SH3D19: variants seen among roughly 807,000 people sequenced by gnomAD.
SH3D19 encodes the protein SH3 domain containing 19.
Under a neutral mutation model 112.1 loss-of-function variants are expected in SH3D19, and 58 were observed. That is an observed-to-expected ratio of 0.52 (90% CI 0.42 to 0.64). The LOEUF (loss-of-function observed/expected upper bound fraction) is 0.64, where lower values mean the gene tolerates loss of function less well. Ranked by LOEUF, SH3D19 falls within the 30% of genes least tolerant of loss-of-function variation. The probability of loss-of-function intolerance (pLI) is 0.00; values close to 1 mark genes in which losing one functional copy is unlikely to be tolerated. For synonymous variants in SH3D19, 391 were observed against 448.5 expected (o/e 0.87, Z 1.62); for missense variants, 1,090 against 1,263.4 (o/e 0.86, Z 2.08).
At chr4:151,187,496 A>G in intron 2 of SH3D19, 33 bp from the exon 3 acceptor site, 1 of 1,201,754 alleles carries the variant, frequency 8.3e-7, no homozygotes, top group Non-Finnish European at 1.0e-6. Context: ...TTATACATTC[A>G]TTAATCCTTT....
At chr4:151,180,852 C>T (rs1321077216) in intron 3 of SH3D19, among the ~76,000 whole-genome samples, 1 of 151,906 alleles carries the variant, frequency 6.6e-6, no homozygotes, top group Non-Finnish European at 1.5e-5. Flanking sequence ...CAAGCTCCGC[C>T]TCCCGGGTTC....
At chr4:151,302,748 G>C (rs1728559098) in intron 1 of SH3D19, among the ~76,000 whole-genome samples, 1 of 152,152 alleles carries the variant, frequency 6.6e-6, no homozygotes, top group Admixed American at 6.5e-5. Flanking sequence ...GGGCTAGTGG[G>C]AGGCTGAGCA....
At chr4:151,194,698 G>T (rs147395492) in intron 2 of SH3D19, among the ~76,000 whole-genome samples, 5 of 151,680 alleles carry the variant, frequency 3.3e-5, no homozygotes, top group Non-Finnish European at 7.4e-5. Flanking sequence ...TCACAGGCAT[G>T]AGCCACCGTG....
chr4:151,231,009 T>C (rs1365507124), intron 1 of SH3D19, among the ~76,000 whole-genome samples: 4 of 152,220 alleles, frequency 2.6e-5, no homozygotes, highest in African/African-American at 4.8e-5. Context: ...ATACGGTATA[T>C]ATTATTTTTA....
intron 1 of SH3D19, among the ~76,000 whole-genome samples, chr4:151,275,722 T>C (rs1453802118): frequency 6.6e-6 from 1 of 151,874 alleles, no homozygotes; most frequent in Non-Finnish European, 1.5e-5. Flanking sequence ...GGTCTCACTG[T>C]ATTGCCCAGG....
intron 1 of SH3D19, among the ~76,000 whole-genome samples, chr4:151,256,070 T>C (rs1771890649): frequency 6.9e-6 from 1 of 144,220 alleles, no homozygotes; most frequent in South Asian, 2.2e-4. Flanking sequence ...ATAATAAAGA[T>C]TTTAAACTGT....
chr4:151,176,476 T>A, intron 6 of SH3D19, 58 bp downstream of exon 6: 1 of 1,213,744 alleles, frequency 8.2e-7, no homozygotes, highest in Non-Finnish European at 1.0e-6. Flanking sequence ...GCTGGAAGCC[T>A]ACGGATTACT....
At chr4:151,263,211 G>A (rs1772512813) in intron 1 of SH3D19, among the ~76,000 whole-genome samples, 1 of 152,154 alleles carries the variant, frequency 6.6e-6, no homozygotes, top group Non-Finnish European at 1.5e-5. Context: ...TGATGAAATT[G>A]AAGACAGAGC....
At chr4:151,223,184 TC>T (rs1768392302) in intron 2 of SH3D19, among the ~76,000 whole-genome samples, 1 of 151,776 alleles carries the variant, frequency 6.6e-6, no homozygotes, top group South Asian at 2.1e-4. Context: ...TAACAACTTT[TC>T]CCAACAACTT....
chr4:151,280,356 A>G (rs1304145299), intron 1 of SH3D19, among the ~76,000 whole-genome samples: 1 of 152,124 alleles, frequency 6.6e-6, no homozygotes, highest in Non-Finnish European at 1.5e-5. Flanking sequence ...GAAGACCCAA[A>G]GCCTACCAAC....
chr4:151,256,679 C>A (rs1329652311), intron 1 of SH3D19, among the ~76,000 whole-genome samples: 1 of 142,612 alleles, frequency 7.0e-6, no homozygotes, highest in Non-Finnish European at 1.5e-5. Flanking sequence ...GTGTATGGTA[C>A]ACTTTTGTTT....
chr4:151,314,030 A>G (rs11731376), intron 1 of SH3D19, among the ~76,000 whole-genome samples: 41,396 of 152,144 alleles, frequency 0.27, 6,323 homozygotes, highest in East Asian at 0.37. Context: ...GAGAAAAAGC[A>G]GTTAACTATC....
intron 4 of SH3D19, among the ~76,000 whole-genome samples, chr4:151,179,123 A>C (rs1760419792): frequency 6.6e-6 from 1 of 152,230 alleles, no homozygotes; most frequent in Middle Eastern, 3.2e-3. Flanking sequence ...CATTTAAAAA[A>C]TCAACTTCAA....
intron 2 of SH3D19, 26 bp from the exon 3 acceptor site, chr4:151,187,489 T>C (rs1035565268): frequency 8.3e-6 from 10 of 1,210,730 alleles, no homozygotes; most frequent in Non-Finnish European, 1.0e-5. Flanking sequence ...AAACTTATTA[T>C]ACATTCATTA....
At chr4:151,275,646 G>T (rs1163449622) in intron 1 of SH3D19, among the ~76,000 whole-genome samples, 1 of 151,830 alleles carries the variant, frequency 6.6e-6, no homozygotes, top group African/African-American at 2.4e-5. Flanking sequence ...TCAGCCTCCC[G>T]AGTAGCTGGG....
At chr4:151,254,343 T>C (rs1267076023) in intron 1 of SH3D19, among the ~76,000 whole-genome samples, 1 of 151,538 alleles carries the variant, frequency 6.6e-6, no homozygotes, top group African/African-American at 2.4e-5. Flanking sequence ...TATTTTTTAT[T>C]GATAATTCTT....
chr4:151,303,027 A>G (rs989329442), intron 1 of SH3D19, among the ~76,000 whole-genome samples: 1 of 152,200 alleles, frequency 6.6e-6, no homozygotes, highest in Non-Finnish European at 1.5e-5. Context: ...AAGAAAAAAG[A>G]AAAAAAGAAT....
At chr4:151,291,584 T>C in intron 1 of SH3D19, 2 of 628,602 alleles carry the variant, frequency 3.2e-6, no homozygotes, top group Non-Finnish European at 5.5e-6. Flanking sequence ...CTGTCACTTC[T>C]GTACATTCTT....
intron 1 of SH3D19, among the ~76,000 whole-genome samples, chr4:151,237,434 C>T (rs1401008801): frequency 2.0e-5 from 3 of 152,204 alleles, no homozygotes; most frequent in Non-Finnish European, 4.4e-5. Flanking sequence ...CTCCAGGTGT[C>T]TACTACTGGG....
Sources: allele counts gnomAD v4.1 joint callset (sites outside exome capture counted in the v4.1 genomes callset), GRCh38; gene constraint gnomAD v4.1.1; transcripts MANE v1.5; gene names NCBI Gene and HGNC (gene_info 2026-07-23, HGNC 2026-07-21).